The following CUL2 variants were observed in gnomAD, a reference collection of about 807,000 sequenced individuals.
The protein encoded by CUL2 is cullin 2, also known as cullin-2.
CUL2 carries 22 observed loss-of-function variants against 110.2 expected under a neutral mutation model. The observed-to-expected ratio is 0.20, with a 90% CI of 0.14 to 0.28. The LOEUF is 0.28. CUL2 is among the 10% of genes least tolerant of loss of function. The pLI is 1.00. For missense variants in CUL2, 631 were observed against 905.5 expected, an observed-to-expected ratio of 0.70 and a Z score of 3.89; for synonymous variants, 279 against 293.2, an observed-to-expected ratio of 0.95 and a Z score of 0.49.
chr10:35,044,468 T>C, intron 8 of CUL2, 98 bp downstream of exon 8: 1 of 694,168 alleles, frequency 1.4e-6, no homozygotes, highest in South Asian at 2.3e-5. Flanking sequence ...AGAATATTTT[T>C]CCACCAAGAA....
At chr10:35,046,948 T>C (rs919160002) in intron 6 of CUL2, among the ~76,000 whole-genome samples, 33 of 151,894 alleles carry the variant, frequency 2.2e-4, no homozygotes, top group African/African-American at 7.7e-4. Flanking sequence ...AACTGGGTTA[T>C]TAAAAAGGAA....
rs146653935 is a variant in CUL2, at chr10:35,122,084, C to A, written c.-51+4521G>T. Among the ~76,000 whole-genome samples the A allele has an allele frequency of 8.5e-5, 13 of 152,292 alleles. No individual in the cohort carries two copies. In the South Asian group the frequency reaches 2.5e-3, roughly 29 times the overall value. On this transcript the variant is annotated intron_variant, in intron 1 of 5. Coordinates refer to the CUL2 transcript ENST00000685421. ...AAACATTTTTTGCCAAATGGCAAATCAAAGACATCATAAATCAAGCACATA... is the reference window on the plus strand; with the variant it reads ...AAACATTTTTTGCCAAATGGCAAATAAAAGACATCATAAATCAAGCACATA...
At position 35,029,561 on chromosome 10, in the gene CUL2, T is replaced by C; in HGVS notation, c.1466A>G (p.Lys489Arg). The C allele has an allele frequency of 1.3e-6, 2 of 1,593,420 alleles. No homozygotes were observed. The highest frequency in any genetic ancestry group is 2.3e-5 in the South Asian group (2 of 87,262). Residue 489 changes from lysine (K) to arginine (R), a missense_variant, in exon 15 of 21, where the codon AAG (lysine) becomes AGG (arginine). Around this residue, in one of 3 missense-constraint regions of CUL2, gnomAD observed 134 missense variants for 260.4 expected, o/e 0.51. Coordinates refer to ENST00000374749, the MANE Select transcript of CUL2 (RefSeq NM_003591.4). The stretch of plus-strand genomic sequence containing the variant: ...TTGGTTTTTGATAAAATTGTTGAAC[T>C]TATTGTTGAGATCAGCGCTGACACT... The part of the protein sequence containing the change: ...DMSVSADLNN[K>R]FNNFIKNQDT...
At chr10:35,028,713 G>T in intron 16 of CUL2, 97 bp downstream of exon 16, 2 of 704,932 alleles carry the variant, frequency 2.8e-6, no homozygotes, top group South Asian at 4.5e-5. Flanking sequence ...TTTATCACAT[G>T]AACCCTTAAG....
intron 1 of CUL2, among the ~76,000 whole-genome samples, chr10:35,117,665 T>C (rs1453951673): frequency 2.6e-5 from 4 of 152,210 alleles, no homozygotes; most frequent in African/African-American, 9.7e-5. Flanking sequence ...GGGAATATAC[T>C]GTTTTAAAGT....
At chr10:35,117,948 C>T (rs918509935) in intron 1 of CUL2, among the ~76,000 whole-genome samples, 1 of 152,140 alleles carries the variant, frequency 6.6e-6, no homozygotes, top group Admixed American at 6.6e-5. Flanking sequence ...TACACAGTTC[C>T]TTTCATCCCC....
In CUL2 at chr10:35,009,259, C is replaced by T. The variant is rs2084840776; in HGVS notation, c.*1052G>A. ...TAATGGGATTTATATATGTGGCACC[C>T]AGTACAATGTACAATTTTCTTTTTT... On this transcript the variant is annotated 3_prime_UTR_variant, in exon 21 of 21. Coordinates refer to ENST00000374749, the MANE Select transcript of CUL2 (RefSeq NM_003591.4). 6.7e-6 allele frequency: 1 copy of T among 148,628 alleles called. No homozygotes were observed. Among genetic ancestry groups the T allele is most frequent in the Non-Finnish European group, 1.5e-5 (1 of 67,406 alleles). The allele number at this position is 148,628 out of a possible 1,614,324, so 9.2% of individuals were successfully genotyped here.
intron 2 of CUL2, among the ~76,000 whole-genome samples, chr10:35,096,547 T>A (rs558548331): frequency 6.6e-6 from 1 of 152,248 alleles, no homozygotes; most frequent in East Asian, 1.9e-4. Flanking sequence ...CAGGAGGTCA[T>A]GTTTGCAGTG....
intron 2 of CUL2, among the ~76,000 whole-genome samples, chr10:35,099,869 G>T (rs1418844982): frequency 6.6e-6 from 1 of 151,978 alleles, no homozygotes; most frequent in East Asian, 1.9e-4. Context: ...AAGAAAAAAA[G>T]AAAAAAATGG....
chr10:35,072,963 G>A (rs1012530421), intron 1 of CUL2, among the ~76,000 whole-genome samples: 1 of 152,102 alleles, frequency 6.6e-6, no homozygotes, highest in African/African-American at 2.4e-5. Flanking sequence ...GGGGAGGAGG[G>A]AATGATGCAT....
At chr10:35,056,638 T>C (rs2086247140) in intron 4 of CUL2, among the ~76,000 whole-genome samples, 1 of 152,130 alleles carries the variant, frequency 6.6e-6, no homozygotes, top group African/African-American at 2.4e-5. Context: ...AGCAAAAATA[T>C]GGTCTCTGCC....
chr10:35,120,120 T>C (rs35777088), intron 1 of CUL2: 44,530 of 152,096 alleles, frequency 0.29, 7,057 homozygotes, highest in South Asian at 0.35. Flanking sequence ...ATTTTATCAT[T>C]TAAATGATCA....
At chr10:35,024,247 CTT>C (rs2085282646) in intron 17 of CUL2, among the ~76,000 whole-genome samples, 1 of 152,096 alleles carries the variant, frequency 6.6e-6, no homozygotes, top group Non-Finnish European at 1.5e-5. Flanking sequence ...TAAAGATCGA[CTT>C]ATATAAGTAA....
chr10:35,014,395 T>TTCTGTATTAGGCAATTTTTAGAAC (rs1554852815), intron 18 of CUL2, among the ~76,000 whole-genome samples: 1 of 152,182 alleles, frequency 6.6e-6, no homozygotes, highest in Non-Finnish European at 1.5e-5. Context: ...ATTTTTAGAA[T>TTCTGTATTAGGCAATTTTTAGAAC]AACAACTTCT....
intron 2 of CUL2, among the ~76,000 whole-genome samples, chr10:35,065,438 G>C (rs2086493189): frequency 1.3e-5 from 2 of 151,866 alleles, no homozygotes; most frequent in Non-Finnish European, 2.9e-5. Context: ...GGCTAACATG[G>C]TGAAACCCCA....
intron 10 of CUL2, among the ~76,000 whole-genome samples, chr10:35,034,562 T>C (rs1292838838): frequency 4.6e-5 from 7 of 152,210 alleles, no homozygotes; most frequent in African/African-American, 1.7e-4. Context: ...TTTGAAGTTA[T>C]TTCTCTCTTG....
rs534921846 is a variant in CUL2 at position 35,033,630 on chromosome 10, G to A, written c.1003-357C>T. Among the ~76,000 whole-genome samples the A allele has an allele frequency of 4.0e-4, 61 of 152,056 alleles. 1 individual carries two copies. The highest frequency in any genetic ancestry group is 6.8e-3 in the Middle Eastern group (2 of 292). On this transcript the variant is annotated intron_variant, in intron 10 of 20. Transcript: ENST00000374749. ...CGTCCACCTGTAATCCCAGCTACAC[G>A]GGAGGCTGAGGCAGGGGAACTGCTG...
At chr10:35,013,983 C>A (rs753314497) in intron 18 of CUL2, among the ~76,000 whole-genome samples, 183 bp from the exon 19 acceptor site, 24 of 152,036 alleles carry the variant, frequency 1.6e-4, no homozygotes, top group South Asian at 1.2e-3. Context: ...CAGGAAAAAA[C>A]CCAATTATTT....
chr10:35,058,141 T>A (rs775551913), intron 4 of CUL2, among the ~76,000 whole-genome samples: 1 of 152,116 alleles, frequency 6.6e-6, no homozygotes, highest in African/African-American at 2.4e-5. Context: ...TTATGATTCA[T>A]GGGAGAAGGT....
Sources: allele counts gnomAD v4.1 joint callset (sites outside exome capture counted in the v4.1 genomes callset), GRCh38; gene constraint gnomAD v4.1.1; regional missense constraint gnomAD v4.1.1; transcripts MANE v1.5; gene names NCBI Gene and HGNC (gene_info 2026-07-23, HGNC 2026-07-21).